MAOA: variants seen among roughly 807,000 people sequenced by gnomAD.
MAOA encodes the protein amine oxidase [flavin-containing] A.
A neutral mutation model predicts 42.0 loss-of-function variants in MAOA; 6 were observed. The observed-to-expected ratio is 0.14, with a 90% confidence interval of 0.08 to 0.28. MAOA has a LOEUF of 0.28. Among genes scored for constraint, MAOA ranks in the 10% least tolerant of loss-of-function variants. The pLI, the probability that MAOA is intolerant of heterozygous loss-of-function variation, is 1.00. For synonymous variants in MAOA, 140 were observed against 154.0 expected, an observed-to-expected ratio of 0.91 and a Z score of 0.67; for missense variants, 262 against 422.3, an observed-to-expected ratio of 0.62 and a Z score of 3.33.
intron 2 of MAOA, among the ~76,000 whole-genome samples, chrX:43,684,266 A>G (rs1365972636): frequency 1.8e-5 from 2 of 111,189 alleles, no homozygotes; most frequent in African/African-American, 3.3e-5. Context: ...TCTGGAAAAA[A>G]TGCATGCTAT....
At chrX:43,739,170 G>GAGAC (rs770082487) in intron 10 of MAOA, among the ~76,000 whole-genome samples, 1 of 112,215 alleles carries the variant, frequency 8.9e-6, no homozygotes, top group Non-Finnish European at 1.9e-5. Flanking sequence ...CAGGCTGAGA[G>GAGAC]AGACAGACAG....
At chrX:43,676,314 T>G (rs1178914257) in intron 1 of MAOA, among the ~76,000 whole-genome samples, 1 of 111,848 alleles carries the variant, frequency 8.9e-6, no homozygotes, top group Non-Finnish European at 1.9e-5. Context: ...AGTATTAGGG[T>G]GGGAGTGACC....
chrX:43,726,521 A>C (rs2033836827), intron 5 of MAOA, among the ~76,000 whole-genome samples: 1 of 112,054 alleles, frequency 8.9e-6, no homozygotes, highest in African/African-American at 3.2e-5. Flanking sequence ...TTTCAGCTCC[A>C]TCAGGTCATT....
chrX:43,731,652 C>A (rs777363920), intron 7 of MAOA, 42 bp from the exon 8 acceptor site: 94 of 1,157,366 alleles, frequency 8.1e-5, no homozygotes, highest in Non-Finnish European at 1.1e-4. Flanking sequence ...ACAAAGACTG[C>A]AGCTCACATT....
chrX:43,697,094 A>C (rs750893954), intron 3 of MAOA, among the ~76,000 whole-genome samples: 1 of 112,225 alleles, frequency 8.9e-6, no homozygotes, highest in East Asian at 2.8e-4. Context: ...CATGGATCCT[A>C]AGTTAGGGGT....
At chrX:43,730,151 G>A (rs988516872) in intron 6 of MAOA, among the ~76,000 whole-genome samples, 12 of 100,261 alleles carry the variant, frequency 1.2e-4, no homozygotes, top group African/African-American at 4.5e-4. Context: ...CCAAGATTGC[G>A]CCATTGCATG....
rs141507018 is a variant in MAOA, at chrX:43,745,120, T to A, written c.*607T>A. 265 of 120,607 alleles carry A rather than the reference T, an allele frequency of 2.2e-3. 1 individual carries two copies. The highest frequency in any genetic ancestry group is 6.5e-3 in the South Asian group (22 of 3,379). 9.9% of individuals were successfully genotyped at this position (120,607 alleles called of 1,213,427 possible). ...GCTGCCTCAGGAATCTCCTGACCAC[T>A]TGTAGTCCCTCCGACTTCTCTAGAC... On this transcript the variant is annotated 3_prime_UTR_variant, in exon 15 of 15. Coordinates refer to ENST00000338702, the MANE Select transcript of MAOA (RefSeq NM_000240.4).
At chrX:43,689,354 C>T (rs1166131754) in intron 2 of MAOA, among the ~76,000 whole-genome samples, 1 of 112,008 alleles carries the variant, frequency 8.9e-6, no homozygotes, top group African/African-American at 3.2e-5. Context: ...CCATTTGTCC[C>T]ACTTTAACAG....
rs891230119 is a variant in MAOA at position 43,740,813 on chromosome X, G to A, written c.1164+75G>A. 1.2e-5 allele frequency: 11 copies of A among 946,642 alleles called. No homozygotes were observed. The African/African-American group carries it at 2.2e-4, about 19-fold the overall frequency. The allele number at this position is 946,642 out of a possible 1,213,427, so 78.0% of individuals were successfully genotyped here. A position where few individuals can be genotyped will look rare whatever the true frequency, so the allele number is the denominator to read the frequency against. ...TAAGTAGTAAAGCAAAGCATATTCTGATTTTTTGACAGTCTTATGAAGAGA... is the reference window on the plus strand; with the variant it reads ...TAAGTAGTAAAGCAAAGCATATTCTAATTTTTTGACAGTCTTATGAAGAGA... On this transcript the variant is annotated intron_variant, in intron 11 of 14. Transcript: ENST00000338702.
intron 1 of MAOA, among the ~76,000 whole-genome samples, chrX:43,675,823 C>T (rs1260065390): frequency 4.5e-5 from 5 of 111,601 alleles, no homozygotes; most frequent in Admixed American, 9.5e-5. Context: ...GAGGAGTACC[C>T]GGCCTTGTGA....
chrX:43,701,889 TCTC>T (rs1449868188), intron 3 of MAOA, among the ~76,000 whole-genome samples: 3 of 112,052 alleles, frequency 2.7e-5, no homozygotes, highest in Non-Finnish European at 5.6e-5. Context: ...GAGGTTAAAA[TCTC>T]CTCCTTCTTC....
intron 6 of MAOA, among the ~76,000 whole-genome samples, 168 bp from the exon 7 acceptor site, chrX:43,731,073 G>A (rs2033877134): frequency 8.9e-6 from 1 of 112,161 alleles, no homozygotes; most frequent in Non-Finnish European, 1.9e-5. Flanking sequence ...TCATTGAATT[G>A]TCTTGGTCAA....
intron 3 of MAOA, among the ~76,000 whole-genome samples, chrX:43,697,685 T>C (rs2033591738): frequency 9.0e-6 from 1 of 111,676 alleles, no homozygotes; most frequent in Non-Finnish European, 1.9e-5. Context: ...TAGACAACAA[T>C]GTTAAGGCAA....
intron 2 of MAOA, among the ~76,000 whole-genome samples, chrX:43,685,360 T>C (rs1421687734): frequency 8.9e-6 from 1 of 111,867 alleles, no homozygotes; most frequent in Non-Finnish European, 1.9e-5. Context: ...TTTAGTCTCA[T>C]TGGCTAGAGT....
At chrX:43,722,064 C>T (rs2033794750) in intron 5 of MAOA, among the ~76,000 whole-genome samples, 1 of 111,809 alleles carries the variant, frequency 8.9e-6, no homozygotes, top group Non-Finnish European at 1.9e-5. Flanking sequence ...TGTATATGTG[C>T]CACATTTTCT....
At chrX:43,672,655 T>C (rs926392667) in intron 1 of MAOA, among the ~76,000 whole-genome samples, 1 of 111,580 alleles carries the variant, frequency 9.0e-6, no homozygotes, top group Non-Finnish European at 1.9e-5. Context: ...TAGCATGAAG[T>C]GTTCTTGAAT....
chrX:43,693,263 C>G, intron 2 of MAOA, 28 bp from the exon 3 acceptor site: 1 of 1,204,965 alleles, frequency 8.3e-7, no homozygotes, highest in Non-Finnish European at 1.1e-6. Context: ...TAACTAAAGT[C>G]CTCTGACCAA....
chrX:43,713,879 C>T (rs934736426), intron 5 of MAOA, among the ~76,000 whole-genome samples: 5 of 110,880 alleles, frequency 4.5e-5, no homozygotes, highest in African/African-American at 1.3e-4. Context: ...CAGTGTAGGG[C>T]GATGGTATCT....
intron 1 of MAOA, chrX:43,657,805 A>T: frequency 2.1e-6 from 1 of 474,365 alleles, no homozygotes; most frequent in Non-Finnish European, 2.6e-6. Context: ...ACATGCTACA[A>T]ATTAATGTTG....
Sources: allele counts gnomAD v4.1 joint callset (sites outside exome capture counted in the v4.1 genomes callset), GRCh38; gene constraint gnomAD v4.1.1; transcripts MANE v1.5; gene names NCBI Gene and HGNC (gene_info 2026-07-23, HGNC 2026-07-21).